The following CSNK1G1 variants were observed in gnomAD, a reference collection of about 807,000 sequenced individuals.
CSNK1G1 encodes casein kinase I isoform gamma-1.
Under a neutral mutation model 59.6 loss-of-function variants are expected in CSNK1G1, and 22 were observed. That is an observed-to-expected ratio of 0.37 (90% CI 0.26 to 0.53). The LOEUF (loss-of-function observed/expected upper bound fraction) is 0.53. Ranked by LOEUF, CSNK1G1 falls within the 20% of genes least tolerant of loss-of-function variation. CSNK1G1 has a pLI of 0.89. For synonymous variants in CSNK1G1, 179 were observed against 177.1 expected (o/e 1.01, Z -0.08); for missense variants, 384 against 519.5 (o/e 0.74, Z 2.54).
chr15:64,273,579 A>G (rs1291492420), intron 2 of CSNK1G1, among the ~76,000 whole-genome samples: 1 of 152,146 alleles, frequency 6.6e-6, no homozygotes, highest in African/African-American at 2.4e-5. Context: ...GGAAAACCTA[A>G]CAACGTTTGG....
intron 1 of CSNK1G1, among the ~76,000 whole-genome samples, chr15:64,318,273 AAACTTTATGTGGTTCTAAC>A (rs1896377983): frequency 6.6e-6 from 1 of 152,026 alleles, no homozygotes; most frequent in East Asian, 1.9e-4. Context: ...AGGGGTTTCT[AAACTTTATGTGGTTCTAAC>A]AACAGTGTAT....
At chr15:64,246,411 C>G (rs1337156046) in intron 4 of CSNK1G1, among the ~76,000 whole-genome samples, 3 of 151,932 alleles carry the variant, frequency 2.0e-5, no homozygotes, top group Admixed American at 6.6e-5. Flanking sequence ...CACCTGGGGC[C>G]AAGAGTTCAA....
rs574270822 is a variant in CSNK1G1 at position 64,348,062 on chromosome 15, AC to A, written c.-225+7925del. On this transcript the variant is annotated intron_variant, in intron 1 of 11. Coordinates refer to ENST00000303052, the MANE Select transcript of CSNK1G1 (RefSeq NM_022048.5). Reference sequence around the variant, plus strand: ...CGCATATTGCTAAGTGAAAAAAAAAACAATCTTAAAAAGCTCTATGTTATAT... The same window carrying A: ...CGCATATTGCTAAGTGAAAAAAAAAAAATCTTAAAAAGCTCTATGTTATAT... Among the ~76,000 whole-genome samples, 317 of 152,226 alleles carry A rather than the reference AC, an allele frequency of 2.1e-3. 7 individuals carry two copies. The South Asian group carries it at 0.047, about 23-fold the overall frequency.
intron 2 of CSNK1G1, among the ~76,000 whole-genome samples, chr15:64,277,675 TA>T (rs1361877466): frequency 1.5e-5 from 2 of 135,064 alleles, no homozygotes; most frequent in Non-Finnish European, 3.1e-5. Context: ...ATATATTTAA[TA>T]ATATAGCAAT....
chr15:64,322,269 A>T (rs1180429920), intron 1 of CSNK1G1, among the ~76,000 whole-genome samples: 1 of 152,178 alleles, frequency 6.6e-6, no homozygotes, highest in Non-Finnish European at 1.5e-5. Flanking sequence ...AAAGCTGTTC[A>T]ACAGTTAAAC....
rs1013957218 is a variant in CSNK1G1 at position 64,215,085 on chromosome 15, G to C, written c.445-961C>G. ...CAAAGTGCTGGGATTATAGACACGA[G>C]CCACCATGCCTGGCCAGGGCTATAG... On this transcript the variant is annotated intron_variant, in intron 5 of 11. Transcript: ENST00000303052. Among the ~76,000 whole-genome samples the C allele has an allele frequency of 9.2e-5, 14 of 151,950 alleles. 1 individual carries two copies. Among genetic ancestry groups the C allele is most frequent in the Admixed American group, 8.5e-4 (13 of 15,246 alleles).
intron 10 of CSNK1G1, among the ~76,000 whole-genome samples, chr15:64,194,804 C>G (rs985779795): frequency 9.9e-5 from 15 of 152,102 alleles, no homozygotes; most frequent in African/African-American, 3.6e-4. Context: ...CCGACCCCAG[C>G]CAGCCACAAT....
chr15:64,265,810 T>A lies in CSNK1G1; in HGVS notation c.182-6569A>T, dbSNP rs890136340. 12 of 456,442 alleles carry A rather than the reference T, an allele frequency of 2.6e-5. No individual in the cohort carries two copies. In the Admixed American group the frequency reaches 2.8e-4, roughly 11 times the overall value. 28.3% of individuals were successfully genotyped at this position (456,442 alleles called of 1,614,324 possible). On this transcript the variant is annotated intron_variant, in intron 2 of 11. Coordinates refer to ENST00000303052, the MANE Select transcript of CSNK1G1 (RefSeq NM_022048.5). ...TTGGAAGAAAATTGGCCAGTCACAG[T>A]GGCTTATGCCTATTACTGCCAGCAC...
intron 2 of CSNK1G1, among the ~76,000 whole-genome samples, chr15:64,273,009 T>G (rs946896566): frequency 6.6e-6 from 1 of 152,170 alleles, no homozygotes; most frequent in East Asian, 1.9e-4. Context: ...TGGCCTTAAC[T>G]CTTGTTTTTA....
chr15:64,214,181 C>G lies in CSNK1G1; in HGVS notation c.445-57G>C, dbSNP rs780031767. 7.1e-6 allele frequency: 9 copies of G among 1,262,486 alleles called. No homozygotes were observed. The Admixed American group carries it at 1.6e-4, about 22-fold the overall frequency. The allele number at this position is 1,262,486 out of a possible 1,614,324, so 78.2% of individuals were successfully genotyped here. ...AAAGAAGTATATCAGGAAAATACAT[C>G]AAAACAGTTTCTTTAGCCAGACCAA... On this transcript the variant is annotated intron_variant, in intron 5 of 11. Transcript: ENST00000303052. This position sits in a 1 kb window ranked among gnomAD's most constrained non-coding sequence, Gnocchi z 4.3.
chr15:64,253,653 G>A (rs1037261860), intron 3 of CSNK1G1, among the ~76,000 whole-genome samples: 1 of 152,096 alleles, frequency 6.6e-6, no homozygotes, highest in African/African-American at 2.4e-5. Flanking sequence ...TAACTAAAAG[G>A]TGGAAGCGAC....
At chr15:64,174,562 G>C (rs1244733799) in intron 11 of CSNK1G1, among the ~76,000 whole-genome samples, 1 of 152,190 alleles carries the variant, frequency 6.6e-6, no homozygotes, top group East Asian at 1.9e-4. Flanking sequence ...GCAGGTGGTG[G>C]ACACCTCATG....
intron 6 of CSNK1G1, among the ~76,000 whole-genome samples, chr15:64,212,794 C>T (rs1160414434): frequency 6.6e-6 from 1 of 152,030 alleles, no homozygotes; most frequent in South Asian, 2.1e-4. Flanking sequence ...TCACTTAAGG[C>T]CAGGAGTTCA....
intron 1 of CSNK1G1, among the ~76,000 whole-genome samples, chr15:64,345,130 GAAA>G (rs1220622754): frequency 7.9e-5 from 12 of 152,278 alleles, no homozygotes; most frequent in Middle Eastern, 3.4e-3. Flanking sequence ...AAATGTTTTA[GAAA>G]ATAGAAGCTG....
chr15:64,340,792 G>A lies in CSNK1G1; in HGVS notation c.-225+15196C>T, dbSNP rs571826292. Among the ~76,000 whole-genome samples the A allele has an allele frequency of 1.6e-4, 25 of 152,290 alleles. 1 individual carries two copies. The South Asian group carries it at 4.6e-3, about 28-fold the overall frequency. On this transcript the variant is annotated intron_variant, in intron 1 of 11. Transcript: ENST00000303052. ...AATATGGCAAAATCCTGTCTCTACA[G>A]ATAGTTTTTTAAAAATTAGCCAGGC...
chr15:64,290,753 T>A (rs1225638551), intron 2 of CSNK1G1, among the ~76,000 whole-genome samples: 1 of 152,196 alleles, frequency 6.6e-6, no homozygotes, highest in Non-Finnish European at 1.5e-5. Flanking sequence ...TTTAATTCAA[T>A]TAATTTATTT....
In CSNK1G1 at chr15:64,229,240, C is replaced by T. The variant is rs144128746; in HGVS notation, c.293-12527G>A. Among the ~76,000 whole-genome samples the T allele has an allele frequency of 1.2e-3, 182 of 152,248 alleles. 1 individual carries two copies. The highest frequency in any genetic ancestry group is 4.2e-3 in the African/African-American group (174 of 41,548). ...TATATATTATAGTGAACACCTATTG[C>T]TTTTGCCTGGTCTGCATCCTTTTGT... On this transcript the variant is annotated intron_variant, in intron 4 of 11. Transcript: ENST00000303052.
At chr15:64,332,001 T>C (rs972423685) in intron 1 of CSNK1G1, among the ~76,000 whole-genome samples, 2 of 151,884 alleles carry the variant, frequency 1.3e-5, no homozygotes, top group Non-Finnish European at 2.9e-5. Context: ...TTAGAATGAA[T>C]ATCATTAAAA....
intron 1 of CSNK1G1, among the ~76,000 whole-genome samples, chr15:64,340,446 G>T (rs565057601): frequency 1.3e-5 from 2 of 152,138 alleles, no homozygotes; most frequent in African/African-American, 4.8e-5. Flanking sequence ...TTGTTATGTA[G>T]GTTTATGTAT....
Sources: allele counts gnomAD v4.1 joint callset (sites outside exome capture counted in the v4.1 genomes callset), GRCh38; gene constraint gnomAD v4.1.1; non-coding constraint Gnocchi (gnomAD v3.1); transcripts MANE v1.5; gene names NCBI Gene and HGNC (gene_info 2026-07-23, HGNC 2026-07-21).